The following ADGRL3 variants were observed in gnomAD, a reference collection of about 807,000 sequenced individuals.
ADGRL3 encodes adhesion G protein-coupled receptor L3.
A neutral mutation model predicts 153.5 loss-of-function variants in ADGRL3; 62 were observed. The ratio of observed to expected loss-of-function variants is 0.40; its 90% confidence interval spans 0.33 to 0.50. The LOEUF (loss-of-function observed/expected upper bound fraction) is 0.50, where lower values mean the gene tolerates loss of function less well. Ranked by LOEUF, ADGRL3 falls within the 20% of genes least tolerant of loss-of-function variation. The probability of loss-of-function intolerance (pLI) is 0.47; values close to 1 mark genes in which losing one functional copy is unlikely to be tolerated. For missense variants in ADGRL3, 1,641 were observed against 1,859.4 expected, an observed-to-expected ratio of 0.88 and a Z score of 2.16; for synonymous variants, 710 against 672.5, an observed-to-expected ratio of 1.06 and a Z score of -0.86.
rs1038739624 is a variant in ADGRL3, at chr4:62,034,921, A to G, written c.3592-2810A>G. Among the ~76,000 whole-genome samples the G allele has an allele frequency of 2.0e-5, 3 of 151,964 alleles. No homozygotes were observed. The East Asian group carries it at 5.8e-4, about 29-fold the overall frequency. On this transcript the variant is annotated intron_variant, in intron 23 of 26. Coordinates refer to ENST00000683033, the MANE Select transcript of ADGRL3 (RefSeq NM_001387552.1). Reference sequence around the variant, plus strand: ...GAAATATCAGAAATATTTTACTGGTAAGGTATATTCTCTTTCCTGTCTTCT... The same window carrying G: ...GAAATATCAGAAATATTTTACTGGTGAGGTATATTCTCTTTCCTGTCTTCT...
At chr4:61,271,734 TG>T (rs2093190911) in intron 1 of ADGRL3, among the ~76,000 whole-genome samples, 1 of 151,988 alleles carries the variant, frequency 6.6e-6, no homozygotes, top group African/African-American at 2.4e-5. Flanking sequence ...AGAACCAGGA[TG>T]GAGGAAGACG....
chr4:61,349,717 G>C (rs1431942409), intron 1 of ADGRL3, among the ~76,000 whole-genome samples: 1 of 152,094 alleles, frequency 6.6e-6, no homozygotes, highest in African/African-American at 2.4e-5. Flanking sequence ...TTTACATAAA[G>C]TAAGCACTCA....
intron 1 of ADGRL3, among the ~76,000 whole-genome samples, chr4:61,222,636 A>G (rs1289407446): frequency 1.3e-5 from 2 of 152,176 alleles, no homozygotes; most frequent in Non-Finnish European, 1.5e-5. Flanking sequence ...GCCAGTGAGA[A>G]GAATGGCAGG....
chr4:61,434,961 A>C (rs1365661135), intron 2 of ADGRL3, among the ~76,000 whole-genome samples: 1 of 152,072 alleles, frequency 6.6e-6, no homozygotes, highest in East Asian at 1.9e-4. Flanking sequence ...ATGGCCACTG[A>C]GATTTAAAAA....
At chr4:61,816,921 G>A (rs2097694650) in intron 9 of ADGRL3, among the ~76,000 whole-genome samples, 1 of 152,170 alleles carries the variant, frequency 6.6e-6, no homozygotes, top group Non-Finnish European at 1.5e-5. Flanking sequence ...ACCTGTTCCT[G>A]CTCCCTGACC....
At chr4:61,466,590 C>T (rs963133514) in intron 2 of ADGRL3, among the ~76,000 whole-genome samples, 13 of 152,042 alleles carry the variant, frequency 8.6e-5, no homozygotes, top group South Asian at 8.3e-4. Flanking sequence ...AATTAAATAT[C>T]GTCAGGAGAT....
chr4:61,813,142 C>G (rs918275720), intron 8 of ADGRL3, among the ~76,000 whole-genome samples: 1 of 152,088 alleles, frequency 6.6e-6, no homozygotes, highest in African/African-American at 2.4e-5. Context: ...AGTCTGTAAT[C>G]CCAGCACTTT....
chr4:61,478,040 A>G (rs1038145798), intron 2 of ADGRL3, among the ~76,000 whole-genome samples: 1 of 152,062 alleles, frequency 6.6e-6, no homozygotes, highest in Non-Finnish European at 1.5e-5. Flanking sequence ...CTCCATAAAA[A>G]TGTCTTAAAA....
chr4:61,654,921 A>G (rs991137588), intron 5 of ADGRL3, among the ~76,000 whole-genome samples: 2 of 152,140 alleles, frequency 1.3e-5, no homozygotes, highest in African/African-American at 4.8e-5. Flanking sequence ...AAACAGAAAA[A>G]ATAAACTTTA....
chr4:61,406,573 A>G (rs1207138046), intron 2 of ADGRL3, among the ~76,000 whole-genome samples: 1 of 151,784 alleles, frequency 6.6e-6, no homozygotes, highest in African/African-American at 2.4e-5. Flanking sequence ...GTGGGATGTT[A>G]TGTCATTCCT....
Position 61,566,003 on chromosome 4 carries a change from G to A in ADGRL3, c.260-21224G>A, listed in dbSNP as rs75171552. Among the ~76,000 whole-genome samples, 927 of 152,254 alleles carry A rather than the reference G, an allele frequency of 6.1e-3. 14 individuals carry two copies. The highest frequency in any genetic ancestry group is 0.021 in the African/African-American group (880 of 41,558). On this transcript the variant is annotated intron_variant, in intron 4 of 26. Coordinates refer to ENST00000683033, the MANE Select transcript of ADGRL3 (RefSeq NM_001387552.1). ...CAATTTACAGTTGTGAAAGAGAAAA[G>A]TCTAAAATTATAATCGATTCAAGGA...
intron 5 of ADGRL3, among the ~76,000 whole-genome samples, chr4:61,649,288 C>G (rs923821325): frequency 6.6e-6 from 1 of 151,954 alleles, no homozygotes; most frequent in African/African-American, 2.4e-5. Context: ...ATGTATGCCT[C>G]TAGGATTTGG....
intron 21 of ADGRL3, among the ~76,000 whole-genome samples, chr4:62,005,135 T>G (rs1383047175): frequency 2.6e-5 from 4 of 152,176 alleles, no homozygotes; most frequent in African/African-American, 9.6e-5. Flanking sequence ...TAGCAATCAC[T>G]TCTTTGAAAA....
intron 21 of ADGRL3, among the ~76,000 whole-genome samples, chr4:62,026,695 A>G (rs187788455): frequency 6.6e-6 from 1 of 152,090 alleles, no homozygotes; most frequent in East Asian, 1.9e-4. Context: ...ACAAAGTAGC[A>G]GATATGGAGG....
At chr4:61,856,604 C>CTTTTTTTTTTTT (rs1157019252) in intron 9 of ADGRL3, among the ~76,000 whole-genome samples, 1 of 15,598 alleles carries the variant, frequency 6.4e-5, no homozygotes, top group Non-Finnish European at 1.6e-4. Flanking sequence ...CTCTCTCTCT[C>CTTTTTTTTTTTT]TTTTTTTTTT....
intron 6 of ADGRL3, among the ~76,000 whole-genome samples, chr4:61,705,681 T>C (rs2095845744): frequency 6.6e-6 from 1 of 151,884 alleles, no homozygotes; most frequent in South Asian, 2.1e-4. Flanking sequence ...GTATTTTTGG[T>C]AGAGACAGGG....
intron 1 of ADGRL3, among the ~76,000 whole-genome samples, chr4:61,296,475 T>C (rs2094417496): frequency 6.6e-6 from 1 of 152,184 alleles, no homozygotes; most frequent in South Asian, 2.1e-4. Context: ...GTAAATTCAG[T>C]AGATATGTGA....
intron 8 of ADGRL3, among the ~76,000 whole-genome samples, chr4:61,801,078 A>T (rs1265819303): frequency 1.3e-5 from 2 of 152,134 alleles, no homozygotes; most frequent in Non-Finnish European, 2.9e-5. Context: ...GTGGTTCGGC[A>T]CATTAGTATT....
At chr4:61,682,364 A>G (rs147607464) in intron 6 of ADGRL3, among the ~76,000 whole-genome samples, 1,559 of 151,880 alleles carry the variant, frequency 0.01, 28 homozygotes, top group African/African-American at 0.035. Flanking sequence ...CTTTCCCTCC[A>G]AATAATTTAT....
Sources: gnomAD v4.1 joint callset for allele counts (sites outside exome capture counted in the v4.1 genomes callset) on GRCh38, gnomAD v4.1.1 for gene constraint, MANE v1.5 for transcripts, NCBI Gene and HGNC (gene_info 2026-07-23, HGNC 2026-07-21) for gene names.